The following RBFOX1 variants were observed in gnomAD, a reference collection of about 807,000 sequenced individuals.
The protein encoded by RBFOX1 is RNA binding fox-1 homolog 1, also known as RNA binding protein fox-1 homolog 1.
RBFOX1 carries 8 observed loss-of-function variants against 57.7 expected under a neutral mutation model. That is an observed-to-expected ratio of 0.14 (90% CI 0.08 to 0.25). RBFOX1 has a LOEUF of 0.25. Among genes scored for constraint, RBFOX1 ranks in the 10% least tolerant of loss-of-function variants. The pLI, the probability that RBFOX1 is intolerant of heterozygous loss-of-function variation, is 1.00. For missense variants in RBFOX1, 611 were observed against 548.5 expected (o/e 1.11, Z -1.14); for synonymous variants, 326 against 222.4 (o/e 1.47, Z -4.15).
chr16:5,759,122 T>C (rs2053500322), intron 3 of RBFOX1, among the ~76,000 whole-genome samples: 1 of 152,182 alleles, frequency 6.6e-6, no homozygotes, highest in Non-Finnish European at 1.5e-5. Context: ...CTTTCTTCAC[T>C]TTCCTTTTGA....
At chr16:7,298,287 T>G (rs1213819290) in intron 4 of RBFOX1, among the ~76,000 whole-genome samples, 4 of 119,312 alleles carry the variant, frequency 3.4e-5, no homozygotes, top group African/African-American at 1.4e-4. Flanking sequence ...TTTTTTTTGT[T>G]TTTTTTTTTT....
chr16:6,739,381 T>C (rs1211237565), intron 3 of RBFOX1, among the ~76,000 whole-genome samples: 1 of 152,034 alleles, frequency 6.6e-6, no homozygotes, highest in Non-Finnish European at 1.5e-5. Context: ...AAACCAATTC[T>C]CTTGAAAAGC....
At chr16:7,703,347 G>C (rs2081380767) in intron 14 of RBFOX1, among the ~76,000 whole-genome samples, 1 of 152,066 alleles carries the variant, frequency 6.6e-6, no homozygotes, top group Admixed American at 6.6e-5. Flanking sequence ...GCATTTTCTT[G>C]CTGCCATTTG....
chr16:6,549,095 A>G (rs1173279263), intron 2 of RBFOX1, among the ~76,000 whole-genome samples: 1 of 108,828 alleles, frequency 9.2e-6, no homozygotes, highest in Non-Finnish European at 1.8e-5. Flanking sequence ...AGGAGGGAAG[A>G]GGAGGCGGGG....
intron 14 of RBFOX1, among the ~76,000 whole-genome samples, chr16:7,694,332 A>C (rs2159321): frequency 6.6e-6 from 1 of 152,208 alleles, no homozygotes; most frequent in Non-Finnish European, 1.5e-5. Context: ...CTGCAGTAAA[A>C]AAAGGCTTAT....
At chr16:5,891,844 C>A (rs535473387) in intron 4 of RBFOX1, among the ~76,000 whole-genome samples, 3 of 152,260 alleles carry the variant, frequency 2.0e-5, no homozygotes, top group South Asian at 2.1e-4. Flanking sequence ...GCTTGGAGAC[C>A]CTCCATCCTG....
At chr16:7,668,886 C>T (rs543366794) in intron 13 of RBFOX1, among the ~76,000 whole-genome samples, 3 of 152,214 alleles carry the variant, frequency 2.0e-5, no homozygotes, top group South Asian at 4.2e-4. Flanking sequence ...TCTACAGAGT[C>T]TCTCATACTT....
intron 4 of RBFOX1, among the ~76,000 whole-genome samples, chr16:7,159,904 G>A (rs943779228): frequency 1.4e-4 from 22 of 152,130 alleles, no homozygotes; most frequent in Admixed American, 7.2e-4. Context: ...TGCTAATATA[G>A]GCACCAGATG....
chr16:5,784,252 T>G (rs2054422879), intron 3 of RBFOX1, among the ~76,000 whole-genome samples: 1 of 152,054 alleles, frequency 6.6e-6, no homozygotes, highest in African/African-American at 2.4e-5. Context: ...AAACCCCGTC[T>G]CTACTAAAAA....
At chr16:6,084,526 A>G (rs889699) in intron 1 of RBFOX1, among the ~76,000 whole-genome samples, 75,538 of 151,762 alleles carry the variant, frequency 0.5, 19,108 homozygotes, top group Non-Finnish European at 0.55. Context: ...TTGCAGACAA[A>G]AACCACTGCA....
rs1568064329 is a variant in RBFOX1 at position 7,607,356 on chromosome 16, G to A, written c.676+18G>A. ...CTATGCAGGTACAGAGTTTCTCTTT[G>A]CACGAAGTCTTCTCAGTCTTTTCTA... On this transcript the variant is annotated intron_variant, in intron 10 of 15. Coordinates refer to ENST00000550418, the MANE Select transcript of RBFOX1 (RefSeq NM_018723.4). The A allele has an allele frequency of 1.9e-6, 3 of 1,605,578 alleles. No homozygotes were observed. The highest frequency in any genetic ancestry group is 2.5e-6 in the Non-Finnish European group (3 of 1,176,922).
intron 3 of RBFOX1, among the ~76,000 whole-genome samples, chr16:5,772,854 G>A (rs1227302682): frequency 2.0e-5 from 3 of 152,156 alleles, no homozygotes; most frequent in African/African-American, 7.2e-5. Flanking sequence ...GTCAGTTACA[G>A]TTTTAAATAA....
intron 2 of RBFOX1, among the ~76,000 whole-genome samples, chr16:6,434,817 T>C (rs1255219782): frequency 6.6e-6 from 1 of 152,228 alleles, no homozygotes; most frequent in Non-Finnish European, 1.5e-5. Flanking sequence ...TGTATTCTTC[T>C]CTTCCAATGA....
chr16:5,351,171 A>G (rs1471644305), intron 1 of RBFOX1, among the ~76,000 whole-genome samples: 1 of 152,138 alleles, frequency 6.6e-6, no homozygotes, highest in Admixed American at 6.5e-5. Flanking sequence ...TGTTGACTGT[A>G]TTGATAATGC....
intron 3 of RBFOX1, among the ~76,000 whole-genome samples, chr16:6,932,548 T>C (rs1157439275): frequency 2.0e-5 from 3 of 152,294 alleles, no homozygotes; most frequent in Admixed American, 1.3e-4. Context: ...CTCACCTATA[T>C]GGTAGGTGAG....
At chr16:7,043,843 C>T (rs2046991011) in intron 3 of RBFOX1, among the ~76,000 whole-genome samples, 1 of 152,214 alleles carries the variant, frequency 6.6e-6, no homozygotes, top group Non-Finnish European at 1.5e-5. Flanking sequence ...TCCATAATCT[C>T]ACTGAGCTTT....
intron 4 of RBFOX1, among the ~76,000 whole-genome samples, chr16:7,141,497 C>G (rs763218662): frequency 6.6e-6 from 1 of 152,050 alleles, no homozygotes; most frequent in Non-Finnish European, 1.5e-5. Flanking sequence ...GCATAAAGCA[C>G]GGAAATGGAG....
chr16:5,606,375 A>T (rs1007145898), intron 3 of RBFOX1, among the ~76,000 whole-genome samples: 1 of 151,966 alleles, frequency 6.6e-6, no homozygotes, highest in Non-Finnish European at 1.5e-5. Flanking sequence ...GTCATCAGAA[A>T]AGCCTTGTTC....
intron 1 of RBFOX1, among the ~76,000 whole-genome samples, chr16:5,344,833 A>C (rs2065105957): frequency 6.6e-6 from 1 of 152,238 alleles, no homozygotes; most frequent in Non-Finnish European, 1.5e-5. Context: ...GGGCCACTGC[A>C]GGTCATTTCA....
Sources: allele counts gnomAD v4.1 joint callset (sites outside exome capture counted in the v4.1 genomes callset), GRCh38; gene constraint gnomAD v4.1.1; transcripts MANE v1.5; gene names NCBI Gene and HGNC (gene_info 2026-07-23, HGNC 2026-07-21).